FGF13: variants seen among roughly 807,000 people sequenced by gnomAD.
The protein encoded by FGF13 is fibroblast growth factor 13.
In FGF13, 2 loss-of-function variants were observed where a neutral mutation model predicts 19.5. The ratio of observed to expected loss-of-function variants is 0.10; its 90% confidence interval spans 0.04 to 0.32. FGF13 has a LOEUF of 0.32. Ranked by LOEUF, FGF13 falls within the 10% of genes least tolerant of loss-of-function variation. The pLI is 1.00. For synonymous variants in FGF13, 72 were observed against 76.9 expected (o/e 0.94, Z 0.33); for missense variants, 113 against 192.7 (o/e 0.59, Z 2.45).
At chrX:138,964,281 C>A (rs1190569660) in intron 1 of FGF13, among the ~76,000 whole-genome samples, 1 of 111,717 alleles carries the variant, frequency 9.0e-6, no homozygotes, top group East Asian at 2.8e-4. Context: ...CAACTTAATT[C>A]TAAATCAGAA....
At chrX:138,989,589 T>A (rs1259686173) in intron 1 of FGF13, among the ~76,000 whole-genome samples, 1 of 111,444 alleles carries the variant, frequency 9.0e-6, no homozygotes, top group African/African-American at 3.3e-5. Context: ...GATAAAGCTA[T>A]AAGAGAAATT....
intron 1 of FGF13, among the ~76,000 whole-genome samples, chrX:138,990,956 A>C (rs1418812684): frequency 1.8e-5 from 2 of 112,095 alleles, no homozygotes; most frequent in Non-Finnish European, 3.8e-5. Context: ...AGCAGATCAT[A>C]CGCTGGATTC....
chrX:138,892,432 G>T (rs1412622902), intron 1 of FGF13, among the ~76,000 whole-genome samples: 2 of 111,896 alleles, frequency 1.8e-5, no homozygotes, highest in African/African-American at 6.5e-5. Flanking sequence ...ATTAAGTAGG[G>T]AATTAGTGGT....
At chrX:139,152,893 A>ACCT (rs2148248622) in intron 1 of FGF13, among the ~76,000 whole-genome samples, 1 of 110,093 alleles carries the variant, frequency 9.1e-6, no homozygotes, top group Admixed American at 9.7e-5. Flanking sequence ...ATGTTTTGGG[A>ACCT]TCTCAGCTCT....
At chrX:138,892,953 A>G (rs1446196700) in intron 1 of FGF13, among the ~76,000 whole-genome samples, 4 of 95,990 alleles carry the variant, frequency 4.2e-5, no homozygotes, top group South Asian at 7.4e-4. Flanking sequence ...GTGGGGAGGA[A>G]GCAAAGGGGG....
downstream of FGF13, chrX:138,857,483 AGCAAAACACGC>A: frequency 1.7e-6 from 2 of 1,153,386 alleles, no homozygotes; most frequent in Middle Eastern, 2.5e-4. Flanking sequence ...AGAGAAAACA[AGCAAAACACGC>A]GTCTGTCGTG....
intron 1 of FGF13, among the ~76,000 whole-genome samples, chrX:139,172,184 C>T (rs746996745): frequency 3.4e-4 from 38 of 112,074 alleles, no homozygotes; most frequent in Non-Finnish European, 6.4e-4. Context: ...TATACTTTCA[C>T]AAATATTTGA....
intron 1 of FGF13, among the ~76,000 whole-genome samples, chrX:139,033,871 G>T (rs2092240547): frequency 9.0e-6 from 1 of 111,356 alleles, no homozygotes; most frequent in African/African-American, 3.3e-5. Flanking sequence ...AATCAGTTTG[G>T]GATGAGCTGA....
At chrX:138,995,073 G>T (rs937712927) in intron 1 of FGF13, among the ~76,000 whole-genome samples, 3 of 109,198 alleles carry the variant, frequency 2.7e-5, no homozygotes, top group Non-Finnish European at 5.7e-5. Context: ...GCAATGAAGA[G>T]GGCAGGAAAG....
At chrX:138,712,650 T>C (rs2090065719), upstream of FGF13, among the ~76,000 whole-genome samples, 4 of 111,610 alleles carry the variant, frequency 3.6e-5, no homozygotes, top group South Asian at 1.1e-3. Context: ...AAATGGCCTG[T>C]CTACATCCCT....
At chrX:138,983,513 C>T (rs1487660388) in intron 1 of FGF13, among the ~76,000 whole-genome samples, 1 of 104,631 alleles carries the variant, frequency 9.6e-6, no homozygotes, top group Non-Finnish European at 2.0e-5. Context: ...ACTATCAAAA[C>T]AAAACAAAAA....
intron 1 of FGF13, among the ~76,000 whole-genome samples, chrX:139,120,533 G>A (rs1271535008): frequency 8.9e-6 from 1 of 111,789 alleles, no homozygotes; most frequent in Non-Finnish European, 1.9e-5. Context: ...CTGGCTCCAC[G>A]GTCAGTGGTC....
intron 3 of FGF13, among the ~76,000 whole-genome samples, chrX:138,677,098 A>C (rs2089675849): frequency 8.9e-6 from 1 of 112,262 alleles, no homozygotes; most frequent in African/African-American, 3.2e-5. Context: ...ATTTCACTAT[A>C]TTATGTACTA....
chrX:138,777,917 A>G (rs780162041), intron 3 of FGF13, among the ~76,000 whole-genome samples: 9 of 112,136 alleles, frequency 8.0e-5, no homozygotes, highest in African/African-American at 2.3e-4. Context: ...AAATGAAAAA[A>G]AAAAAGATAC....
At chrX:138,845,503 T>G (rs1439499400) in intron 3 of FGF13, among the ~76,000 whole-genome samples, 2 of 111,897 alleles carry the variant, frequency 1.8e-5, no homozygotes, top group African/African-American at 3.2e-5. Flanking sequence ...GACACTGTGC[T>G]ATGCTTATGG....
At chrX:138,888,926 T>G (rs775316389) in intron 1 of FGF13, among the ~76,000 whole-genome samples, 2 of 111,974 alleles carry the variant, frequency 1.8e-5, no homozygotes, top group African/African-American at 6.5e-5. Flanking sequence ...AATATAAATA[T>G]GATGCATGAC....
chrX:138,862,104 C>T, intron 2 of FGF13, among the ~76,000 whole-genome samples: 1 of 111,722 alleles, frequency 9.0e-6, no homozygotes, highest in Non-Finnish European at 1.9e-5. Context: ...TCAAGACTAC[C>T]CCTGTCTCCA....
At chrX:139,010,813 A>C (rs758496793) in intron 1 of FGF13, among the ~76,000 whole-genome samples, 146 of 109,169 alleles carry the variant, frequency 1.3e-3, no homozygotes, top group Non-Finnish European at 2.1e-3. Flanking sequence ...ATCAGAGCAG[A>C]ACTAAATGAA....
At chrX:138,834,200 T>C (rs1313487865) in intron 3 of FGF13, among the ~76,000 whole-genome samples, 3 of 112,171 alleles carry the variant, frequency 2.7e-5, no homozygotes, top group Non-Finnish European at 5.6e-5. Context: ...TTTCAATTTT[T>C]TGGAACATTT....
Sources: gnomAD v4.1 joint callset for allele counts (sites outside exome capture counted in the v4.1 genomes callset) on GRCh38, gnomAD v4.1.1 for gene constraint, MANE v1.5 for transcripts, NCBI Gene and HGNC (gene_info 2026-07-23, HGNC 2026-07-21) for gene names.